The following RNF169 variants were observed in gnomAD, a reference collection of about 807,000 sequenced individuals.
The protein encoded by RNF169 is ring finger protein 169.
Under a neutral mutation model 53.9 loss-of-function variants are expected in RNF169, and 24 were observed. That is an observed-to-expected ratio of 0.45 (90% CI 0.32 to 0.63). The LOEUF (loss-of-function observed/expected upper bound fraction) is 0.63. Among genes scored for constraint, RNF169 ranks in the 20% least tolerant of loss-of-function variants. The pLI is 0.04. For missense variants in RNF169, 883 were observed against 906.2 expected (o/e 0.97, Z 0.33); for synonymous variants, 396 against 363.5 (o/e 1.09, Z -1.02).
At chr11:74,786,249 T>C (rs1349602223) in intron 1 of RNF169, among the ~76,000 whole-genome samples, 4 of 151,090 alleles carry the variant, frequency 2.6e-5, no homozygotes, top group African/African-American at 7.3e-5. Context: ...TGTTTCTTTT[T>C]TTTTTTTTTT....
At chr11:74,778,634 G>T (rs1396142751) in intron 1 of RNF169, among the ~76,000 whole-genome samples, 1 of 152,176 alleles carries the variant, frequency 6.6e-6, no homozygotes, top group East Asian at 1.9e-4. Flanking sequence ...CTGGGCGGGA[G>T]AACTGCCGCC....
At position 74,835,931 on chromosome 11, in the gene RNF169, T is replaced by A. The variant is rs2036248832; in HGVS notation, c.1328T>A (p.Ile443Asn). 3 of 1,613,892 alleles carry A rather than the reference T, an allele frequency of 1.9e-6. No homozygotes were observed. In the South Asian group the frequency reaches 3.3e-5, roughly 18 times the overall value. ...GAACAGATCTTTCAGGAGCGGCAGA[T>A]CAAAAAGACCCTTTCAAAAGCCACT... Reference protein sequence around the residue: ...KWEQIFQERQIKKTLSKATLT... With the variant: ...KWEQIFQERQNKKTLSKATLT... Residue 443 changes from isoleucine (I) to asparagine (N), a missense_variant, in exon 6 of 6, where the codon ATC becomes AAC. Around this residue, in one of 3 missense-constraint regions of RNF169, gnomAD observed 351 missense variants for 337.3 expected, o/e 1.04. Coordinates refer to ENST00000299563, the MANE Select transcript of RNF169 (RefSeq NM_001098638.2).
intron 1 of RNF169, among the ~76,000 whole-genome samples, chr11:74,766,312 A>G (rs2035174013): frequency 6.6e-6 from 1 of 152,224 alleles, no homozygotes; most frequent in African/African-American, 2.4e-5. Context: ...CTGTGGGACA[A>G]ATGGCCTACT....
At chr11:74,805,607 G>A (rs2035791833) in intron 2 of RNF169, among the ~76,000 whole-genome samples, 2 of 152,296 alleles carry the variant, frequency 1.3e-5, no homozygotes, top group East Asian at 1.9e-4. Flanking sequence ...TAACATGGGA[G>A]AATATTCTGA....
At position 74,836,257 on chromosome 11, in the gene RNF169, G is replaced by C; in HGVS notation, c.1654G>C (p.Gly552Arg). The C allele has an allele frequency of 1.2e-6, 2 of 1,614,178 alleles. No individual in the cohort carries two copies. Among genetic ancestry groups the C allele is most frequent in the Non-Finnish European group, 1.7e-6 (2 of 1,180,028 alleles). ...SLEREQFEGL[G>R]STPDAKLDKT... ...GGAGAGGGAGCAGTTTGAGGGGTTA[G>C]GGTCAACTCCAGATGCCAAGTTAGA... is the stretch of plus-strand genomic sequence containing the variant. Residue 552 changes from glycine (G) to arginine (R), a missense_variant, in exon 6 of 6, where the codon GGG (glycine) becomes CGG (arginine). Coordinates refer to ENST00000299563, the MANE Select transcript of RNF169 (RefSeq NM_001098638.2).
chr11:74,791,388 T>C (rs2035577748), intron 2 of RNF169, among the ~76,000 whole-genome samples: 1 of 152,080 alleles, frequency 6.6e-6, no homozygotes, highest in Non-Finnish European at 1.5e-5. Context: ...GATCTGCCCC[T>C]TTCTGCCCAG....
rs142658931 is a variant in RNF169, at chr11:74,839,074, T to C, written c.*2344T>C. The C allele has an allele frequency of 1.4e-4, 21 of 152,344 alleles. No individual in the cohort carries two copies. In the East Asian group the frequency reaches 3.5e-3, roughly 25 times the overall value. The allele number at this position is 152,344 out of a possible 1,614,324, so 9.4% of individuals were successfully genotyped here. A position where few individuals can be genotyped will look rare whatever the true frequency, so the allele number is the denominator to read the frequency against. ...CAAATTAATACTTTCATTTTAAGAA[T>C]TGCATAGCAGTTGTAACAAGTGCAG... On this transcript the variant is annotated 3_prime_UTR_variant, in exon 6 of 6. Coordinates refer to ENST00000299563, the MANE Select transcript of RNF169 (RefSeq NM_001098638.2).
At position 74,748,850 on chromosome 11, in the gene RNF169, C is replaced by G. The variant is rs1243903466; in HGVS notation, c.-31C>G. 1 of 1,374,108 alleles carries G rather than the reference C, an allele frequency of 7.3e-7. No individual in the cohort carries two copies. The highest frequency in any genetic ancestry group is 1.5e-5 in the African/African-American group (1 of 66,018). 85.1% of individuals were successfully genotyped at this position (1,374,108 alleles called of 1,614,324 possible). On this transcript the variant is annotated 5_prime_UTR_variant, in exon 1 of 6. Transcript: ENST00000299563. Reference sequence around the variant, plus strand: ...CCCCGCCCTCCACTCTTCTCCCTCGCAACCGACTCTCCCTTCAAACGGGAA... The same window carrying G: ...CCCCGCCCTCCACTCTTCTCCCTCGGAACCGACTCTCCCTTCAAACGGGAA...
chr11:74,806,741 T>C (rs992190574), intron 2 of RNF169, among the ~76,000 whole-genome samples: 8 of 152,080 alleles, frequency 5.3e-5, no homozygotes, highest in African/African-American at 1.7e-4. Flanking sequence ...ATAGGTAAAA[T>C]GATTTTTTTT....
intron 1 of RNF169, among the ~76,000 whole-genome samples, chr11:74,760,485 C>CT (rs1190004414): frequency 5.3e-5 from 8 of 152,004 alleles, no homozygotes; most frequent in Admixed American, 2.6e-4. Flanking sequence ...GCTTTGAATG[C>CT]GTCCCAGAGA....
intron 1 of RNF169, among the ~76,000 whole-genome samples, chr11:74,767,828 C>T (rs576350206): frequency 6.6e-6 from 1 of 152,122 alleles, no homozygotes; most frequent in African/African-American, 2.4e-5. Flanking sequence ...CCGCCCACTT[C>T]GGCCTCCCCA....
chr11:74,752,395 A>C (rs914806727), intron 1 of RNF169, among the ~76,000 whole-genome samples: 32 of 151,844 alleles, frequency 2.1e-4, no homozygotes, highest in Non-Finnish European at 4.0e-4. Context: ...TCAGGAGTTC[A>C]AGACCAGCCT....
In RNF169 at chr11:74,815,574, G is replaced by T. The variant is rs143886957; in HGVS notation, c.724-2022G>T. On this transcript the variant is annotated intron_variant, in intron 3 of 5. Coordinates refer to ENST00000299563, the MANE Select transcript of RNF169 (RefSeq NM_001098638.2). ...CGGTCTCCAAAAAAAAAGGAACTTG[G>T]CATATATCTGTTATAAAACGGAAAT... Among the ~76,000 whole-genome samples, 659 of 152,206 alleles carry T rather than the reference G, an allele frequency of 4.3e-3. 4 individuals carry two copies. The highest frequency in any genetic ancestry group is 0.015 in the African/African-American group (623 of 41,516).
At chr11:74,756,247 T>C (rs1239920413) in intron 1 of RNF169, among the ~76,000 whole-genome samples, 1 of 152,200 alleles carries the variant, frequency 6.6e-6, no homozygotes, top group African/African-American at 2.4e-5. Flanking sequence ...GCAACTGAAA[T>C]GTGGTATTAT....
intron 4 of RNF169, among the ~76,000 whole-genome samples, chr11:74,819,974 G>A (rs12289731): frequency 0.012 from 1,790 of 152,182 alleles, 48 homozygotes; most frequent in African/African-American, 0.04. Context: ...GTGGCTGTGC[G>A]TTCTATACAG....
At chr11:74,782,084 T>C (rs1591401352) in intron 1 of RNF169, among the ~76,000 whole-genome samples, 1 of 152,220 alleles carries the variant, frequency 6.6e-6, no homozygotes, top group East Asian at 1.9e-4. Flanking sequence ...TTTTATTATC[T>C]TACGCTTTGT....
chr11:74,840,663 A>C lies in RNF169; in HGVS notation c.*3933A>C, dbSNP rs764466906. Reference sequence around the variant, plus strand: ...TTTCCTTTTTCCTGCCTAACTTTTCATTGAAATGTCTAGTAGGAGAGTGAG... The same window carrying C: ...TTTCCTTTTTCCTGCCTAACTTTTCCTTGAAATGTCTAGTAGGAGAGTGAG... On this transcript the variant is annotated 3_prime_UTR_variant, in exon 6 of 6. Transcript: ENST00000299563. 3.3e-5 allele frequency: 5 copies of C among 152,038 alleles called. No individual in the cohort carries two copies. Among genetic ancestry groups the C allele is most frequent in the African/African-American group, 1.2e-4 (5 of 41,388 alleles). 9.4% of individuals were successfully genotyped at this position (152,038 alleles called of 1,614,324 possible).
intron 1 of RNF169, among the ~76,000 whole-genome samples, chr11:74,780,012 T>C (rs1383534077): frequency 6.6e-6 from 1 of 152,172 alleles, no homozygotes. Context: ...ATAATTGCCT[T>C]GTTTCTTGTG....
At chr11:74,784,740 G>A (rs2035463759) in intron 1 of RNF169, among the ~76,000 whole-genome samples, 1 of 152,228 alleles carries the variant, frequency 6.6e-6, no homozygotes, top group African/African-American at 2.4e-5. Flanking sequence ...TTTAGGTACA[G>A]TGAACAACTC....
Sources: gnomAD v4.1 joint callset for allele counts (sites outside exome capture counted in the v4.1 genomes callset) on GRCh38, gnomAD v4.1.1 for gene constraint, gnomAD v4.1.1 regional missense constraint, MANE v1.5 for transcripts, NCBI Gene and HGNC (gene_info 2026-07-23, HGNC 2026-07-21) for gene names.